Variants in MYOM3 observed in about 807,000 individuals in gnomAD.
The protein encoded by MYOM3 is myomesin-3.
In MYOM3, 155 loss-of-function variants were observed where a neutral mutation model predicts 191.7. The observed-to-expected ratio is 0.81, with a 90% confidence interval of 0.71 to 0.92. The LOEUF (loss-of-function observed/expected upper bound fraction) is 0.92, where lower values mean the gene tolerates loss of function less well. Ranked by LOEUF, MYOM3 falls within the 40% of genes least tolerant of loss-of-function variation. MYOM3 has a pLI of 0.00. For synonymous variants in MYOM3, 757 were observed against 762.9 expected (o/e 0.99, Z 0.13); for missense variants, 1,889 against 1,890.6 (o/e 1.00, Z 0.02).
chr1:24,082,255 G>C, intron 17 of MYOM3, 67 bp from the exon 18 acceptor site: 2 of 1,410,448 alleles, frequency 1.4e-6, no homozygotes, highest in Non-Finnish European at 9.6e-7. Context: ...AGTGGGGCCT[G>C]AGGGAGCTGA....
intron 8 of MYOM3, 53 bp downstream of exon 8, chr1:24,095,389 G>T: frequency 6.4e-7 from 1 of 1,550,562 alleles, no homozygotes; most frequent in Non-Finnish European, 8.9e-7. Flanking sequence ...GGGGGTCGGG[G>T]AGCAAAGCCT....
chr1:24,084,800 C>T (rs2148552824), intron 15 of MYOM3, among the ~76,000 whole-genome samples, 161 bp from the exon 16 acceptor site: 2 of 152,176 alleles, frequency 1.3e-5, no homozygotes, highest in Middle Eastern at 6.8e-3. Flanking sequence ...CTTCCCTAGG[C>T]CCAGAAGTGT....
At position 24,075,312 on chromosome 1, in the gene MYOM3, CACTT is replaced by C. The variant is rs1643582839; in HGVS notation, c.2858+3_2858+6del. 1 of 1,611,902 alleles carries C rather than the reference CACTT, an allele frequency of 6.2e-7. No homozygotes were observed. Among genetic ancestry groups the C allele is most frequent in the Non-Finnish European group, 8.5e-7 (1 of 1,179,798 alleles). On this transcript the variant is annotated splice_donor_5th_base_variant and intron_variant, in intron 22 of 36. Transcript: ENST00000374434. ...TGAGCAGTTGTTTCTCCTCTCGCCT[CACTT>C]ACTTGTTAACTTTATCCTCGATCTT... is the stretch of plus-strand genomic sequence containing the variant.
At position 24,063,920 on chromosome 1, in the gene MYOM3, TAGA is replaced by T. The variant is rs1570851719; in HGVS notation, c.3622+149_3622+151del. On this transcript the variant is annotated intron_variant, in intron 30 of 36. Coordinates refer to ENST00000374434, the MANE Select transcript of MYOM3 (RefSeq NM_152372.4). This position sits in a 1 kb window ranked among gnomAD's most constrained non-coding sequence, Gnocchi z 4.5. The stretch of plus-strand genomic sequence containing the variant: ...CACCGACCTGGCTCCTGCCACTGAC[TAGA>T]TGTGGAATCTTGGGCAAGTTACTTA... The T allele has an allele frequency of 6.1e-6, 4 of 652,550 alleles. No individual in the cohort carries two copies. The East Asian group carries it at 1.1e-4, about 18-fold the overall frequency. 40.4% of individuals were successfully genotyped at this position (652,550 alleles called of 1,614,324 possible).
Position 24,068,349 on chromosome 1 carries a change from C to T in MYOM3, c.3169G>A (p.Asp1057Asn). The change falls in exon 26 of 37, where the codon GAC becomes AAC. Residue 1057 changes from aspartate to asparagine, a missense_variant. Asp to Asn is a conservative substitution (Grantham distance 23). Coordinates refer to ENST00000374434, the MANE Select transcript of MYOM3 (RefSeq NM_152372.4). Reference sequence around the variant, plus strand: ...ACTTCCACCAGGCCCTTCTCTCGGTCAAAATTGATTTTGCGGTTCTGAAAA... The same window carrying T: ...ACTTCCACCAGGCCCTTCTCTCGGTTAAAATTGATTTTGCGGTTCTGAAAA... ...FSSPNRKINFDREKGLVEVII... is the reference protein window; with the variant it reads ...FSSPNRKINFNREKGLVEVII... 1 of 1,614,138 alleles carries T rather than the reference C, an allele frequency of 6.2e-7. No homozygotes were observed. Among genetic ancestry groups the T allele is most frequent in the African/African-American group, 1.3e-5 (1 of 75,028 alleles).
chr1:24,065,862 G>A (rs773122083), intron 29 of MYOM3, 29 bp downstream of exon 29: 2 of 1,511,124 alleles, frequency 1.3e-6, no homozygotes, highest in African/African-American at 1.4e-5. Context: ...AAAGGAGAAA[G>A]TGAGCCCTGA....
chr1:24,083,217 G>A (rs377535967), intron 16 of MYOM3: 1 of 152,380 alleles, frequency 6.6e-6, no homozygotes, highest in African/African-American at 2.4e-5. Flanking sequence ...CCCAATTGTG[G>A]ACCTCTTTCT....
chr1:24,058,883 C>T, intron 36 of MYOM3, 41 bp downstream of exon 36: 1 of 1,491,692 alleles, frequency 6.7e-7, no homozygotes, highest in Non-Finnish European at 9.3e-7. Flanking sequence ...CGAAGGAACA[C>T]AGAGGGGGAC....
Position 24,105,926 on chromosome 1 carries a change from A to T in MYOM3, c.554T>A (p.Val185Asp), listed in dbSNP as rs576678941. ...CTVQASPPPQVTWYKNDTRID... is the reference protein window; with the variant it reads ...CTVQASPPPQDTWYKNDTRID... ...TCCTGCCCCAGCGGCTTACCAGGTG[A>T]CCTGGGGTGGTGGTGAGGCCTGGAC... Residue 185 changes from valine (V) to aspartate (D), a missense_variant, in exon 5 of 37, where the codon GTC becomes GAC. Coordinates refer to ENST00000374434, the MANE Select transcript of MYOM3 (RefSeq NM_152372.4). 1 of 1,603,874 alleles carries T rather than the reference A, an allele frequency of 6.2e-7. No individual in the cohort carries two copies. Among genetic ancestry groups the T allele is most frequent in the Non-Finnish European group, 8.5e-7 (1 of 1,174,270 alleles).
chr1:24,097,770 G>A (rs868451621), intron 7 of MYOM3, among the ~76,000 whole-genome samples, 153 bp downstream of exon 7: 22 of 152,286 alleles, frequency 1.4e-4, no homozygotes, highest in Middle Eastern at 6.8e-3. Context: ...CCAGGGAAGC[G>A]GGAGTCTCCA....
rs762594934 is a variant in MYOM3, at chr1:24,080,072, C to T, written c.2530G>A (p.Gly844Ser). 13 of 1,614,018 alleles carry T rather than the reference C, an allele frequency of 8.1e-6. No homozygotes were observed. Among genetic ancestry groups the T allele is most frequent in the Admixed American group, 1.7e-5 (1 of 59,998 alleles). Reference protein sequence around the residue: ...TGYHVSFQEEGSEQWKPVTPG... With the variant: ...TGYHVSFQEESSEQWKPVTPG... ...GTGACCGGCTTCCACTGCTCAGAGC[C>T]TTCCTCCTGGAAACTGACGTGATAG... Residue 844 changes from glycine to serine, a missense_variant, in exon 20 of 37, where the codon GGC becomes AGC. Physicochemically the swap from Gly to Ser is moderately conservative, Grantham distance 56. Coordinates refer to ENST00000374434, the MANE Select transcript of MYOM3 (RefSeq NM_152372.4).
chr1:24,093,994 G>C (rs539017305), intron 9 of MYOM3, among the ~76,000 whole-genome samples: 6 of 152,052 alleles, frequency 3.9e-5, no homozygotes, highest in African/African-American at 1.4e-4. Context: ...TCAAGGCCTC[G>C]CCTGAGACAT....
rs774551825 is a variant in MYOM3 at position 24,061,266 on chromosome 1, A to C, written c.3971+7T>G. ...AATTCACACTGAGAAATGTAGAGGA[A>C]ACTTACTTCAGTCTCTGGTGTTCAG... On this transcript the variant is annotated splice_region_variant and intron_variant, in intron 34 of 36. Transcript: ENST00000374434. 1.2e-6 allele frequency: 2 copies of C among 1,614,052 alleles called. No individual in the cohort carries two copies. The highest frequency in any genetic ancestry group is 1.7e-6 in the Non-Finnish European group (2 of 1,179,972).
rs768910159 is a variant in MYOM3, at chr1:24,099,705, C to G, written c.631G>C (p.Gly211Arg). The G allele has an allele frequency of 2.5e-6, 4 of 1,613,674 alleles. No individual in the cohort carries two copies. The highest frequency in any genetic ancestry group is 3.4e-6 in the Non-Finnish European group (4 of 1,179,846). The change falls in exon 6 of 37, where the codon GGG becomes CGG. Residue 211 changes from glycine to arginine, a missense_variant. Physicochemically the swap from Gly to Arg is moderately radical, Grantham distance 125. Transcript: ENST00000374434. ...AGKYRITNNY[G>R]LLSLEIRRCA... ...CTCCTAATCTCCAGGGACAGCAGCC[C>G]GTAGTTGTTGGTGATTCGGTATTTT...
chr1:24,064,209 G>A, intron 29 of MYOM3, 50 bp from the exon 30 acceptor site: 2 of 1,474,522 alleles, frequency 1.4e-6, no homozygotes, highest in Non-Finnish European at 9.4e-7. Context: ...TCCAGAAGGA[G>A]AGATGGATAC....
chr1:24,088,182 G>A, intron 14 of MYOM3, among the ~76,000 whole-genome samples: 1 of 152,090 alleles, frequency 6.6e-6, no homozygotes, highest in East Asian at 1.9e-4. Context: ...TGCTGAGTCT[G>A]GGCAAGAGAG....
intron 11 of MYOM3, 55 bp downstream of exon 11, chr1:24,092,119 A>G: frequency 7.2e-7 from 1 of 1,383,822 alleles, no homozygotes; most frequent in Non-Finnish European, 9.4e-7. Flanking sequence ...TGTGGCTCCC[A>G]CCACCAGACA....
intron 12 of MYOM3, among the ~76,000 whole-genome samples, 199 bp downstream of exon 12, chr1:24,090,598 T>C (rs1309936588): frequency 6.6e-6 from 1 of 152,098 alleles, no homozygotes; most frequent in Non-Finnish European, 1.5e-5. Flanking sequence ...AAGGACCGGA[T>C]TGTGTCTCCT....
intron 13 of MYOM3, 137 bp downstream of exon 13, chr1:24,089,928 G>A (rs1643795189): frequency 1.1e-6 from 1 of 894,330 alleles, no homozygotes; most frequent in Admixed American, 2.2e-5. Context: ...CCAGCACTCT[G>A]ACTGCCTCCA....
Sources: gnomAD v4.1 joint callset for allele counts (sites outside exome capture counted in the v4.1 genomes callset) on GRCh38, gnomAD v4.1.1 for gene constraint, Gnocchi (gnomAD v3.1) non-coding constraint, MANE v1.5 for transcripts, NCBI Gene and HGNC (gene_info 2026-07-23, HGNC 2026-07-21) for gene names.